Variants in LILRA1 observed in about 807,000 individuals in gnomAD.
LILRA1 encodes the protein leukocyte immunoglobulin-like receptor subfamily A member 1.
LILRA1 carries 51 observed loss-of-function variants against 51.6 expected under a neutral mutation model. The observed-to-expected ratio is 0.99, with a 90% confidence interval of 0.79 to 1.25. The LOEUF (loss-of-function observed/expected upper bound fraction) is 1.25, where lower values mean the gene tolerates loss of function less well. LILRA1 is among the 50% of genes most tolerant of loss of function. The pLI is 0.00. For missense variants in LILRA1, 660 were observed against 611.7 expected (o/e 1.08, Z -0.83); for synonymous variants, 305 against 248.4 (o/e 1.23, Z -2.14).
intron 2 of LILRA1, 22 bp from the exon 3 acceptor site, chr19:54,594,419 C>A: frequency 1.9e-6 from 3 of 1,614,232 alleles, no homozygotes; most frequent in Non-Finnish European, 1.7e-6. Flanking sequence ...GGGCAAATTC[C>A]TCACAGGGAA....
rs1271042427 is a variant in LILRA1, at chr19:54,595,266, T to C, written c.525T>C (p.His175=). 1 of 1,613,700 alleles carries C rather than the reference T, an allele frequency of 6.2e-7. No homozygotes were observed. Among genetic ancestry groups the C allele is most frequent in the East Asian group, 2.2e-5 (1 of 44,852 alleles). The change falls in exon 5 of 10, where the codon CAT becomes CAC. Residue 175 remains histidine (H), a synonymous_variant. Coordinates refer to ENST00000251372, the MANE Select transcript of LILRA1 (RefSeq NM_006863.4). ...GCCTGAACTCACAGCCCCGTACCCATGGGTGGTCCCGGGCCATCTTCTCTG... is the reference window on the plus strand; with the variant it reads ...GCCTGAACTCACAGCCCCGTACCCACGGGTGGTCCCGGGCCATCTTCTCTG... ...PQCLNSQPRT[H]GWSRAIFSVG...
At chr19:54,598,198 CT>C in intron 7 of LILRA1, among the ~76,000 whole-genome samples, 1 of 152,008 alleles carries the variant, frequency 6.6e-6, no homozygotes. Context: ...TTTACTAAAA[CT>C]TTTAAAGCAA....
chr19:54,596,560 C>T (rs2146074108), intron 7 of LILRA1, 69 bp downstream of exon 7: 3 of 1,589,862 alleles, frequency 1.9e-6, no homozygotes, highest in Non-Finnish European at 2.6e-6. Context: ...CAGGAGAGCT[C>T]TGGACACTAA....
chr19:54,597,737 C>A (rs1253433016), intron 7 of LILRA1, among the ~76,000 whole-genome samples: 1 of 151,940 alleles, frequency 6.6e-6, no homozygotes, highest in African/African-American at 2.4e-5. Context: ...CTCACCCACA[C>A]CTGTAGGGTC....
rs1451896892 is a variant in LILRA1 at position 54,595,724 on chromosome 19, T to C, written c.747T>C (p.Asp249=). Residue 249 remains aspartate (D), a synonymous_variant, in exon 6 of 10, where the codon GAT becomes GAC. Coordinates refer to ENST00000251372, the MANE Select transcript of LILRA1 (RefSeq NM_006863.4). ...GCCTGACCCTCCAGTGTGTTTCTGA[T>C]GTCAGCTACGACAGATTTGTTCTGT... ...GESLTLQCVS[D]VSYDRFVLYK... is the part of the protein sequence containing the mutation. 1.6e-5 allele frequency: 26 copies of C among 1,613,952 alleles called. No homozygotes were observed. The highest frequency in any genetic ancestry group is 2.2e-5 in the Non-Finnish European group (26 of 1,179,968).
At chr19:54,597,281 A>C (rs962550686) in intron 7 of LILRA1, among the ~76,000 whole-genome samples, 1 of 126,950 alleles carries the variant, frequency 7.9e-6, no homozygotes, top group African/African-American at 3.0e-5. Context: ...TGTGGTCTGC[A>C]TGGCTTCCTG....
chr19:54,595,087 C>T lies in LILRA1; in HGVS notation c.359-13C>T. ...GTGAGCCCCATTTAACATGGTGCCT[C>T]CTTCTCTCCTAGGAGCCTACATCAA... On this transcript the variant is annotated splice_polypyrimidine_tract_variant and intron_variant, in intron 4 of 9. Coordinates refer to ENST00000251372, the MANE Select transcript of LILRA1 (RefSeq NM_006863.4). The T allele has an allele frequency of 6.2e-7, 1 of 1,609,498 alleles. No individual in the cohort carries two copies. The highest frequency in any genetic ancestry group is 8.5e-7 in the Non-Finnish European group (1 of 1,177,082).
At position 54,595,365 on chromosome 19, in the gene LILRA1, G is replaced by A. The variant is rs994267605; in HGVS notation, c.624G>A (p.Trp208Ter). Residue 208 changes from tryptophan to a stop codon, truncating the protein, a stop_gained, in exon 5 of 10, where the codon TGG (tryptophan) becomes TGA (stop). Coordinates refer to ENST00000251372, the MANE Select transcript of LILRA1 (RefSeq NM_006863.4). LOFTEE classifies it high-confidence loss of function. ...YAYDSNSPHVWSLPSDLLELL... is the reference protein window; with the variant it reads ...YAYDSNSPHV ...ATGACTCGAACTCTCCCCATGTGTG[G>A]TCTCTACCCAGTGATCTCCTGGAGC... 7.4e-6 allele frequency: 12 copies of A among 1,613,646 alleles called. No individual in the cohort carries two copies. Among genetic ancestry groups the A allele is most frequent in the Admixed American group, 3.3e-5 (2 of 59,956 alleles).
intron 2 of LILRA1, 36 bp downstream of exon 2, chr19:54,594,314 G>A: frequency 6.2e-7 from 1 of 1,613,306 alleles, no homozygotes; most frequent in Non-Finnish European, 8.5e-7. Flanking sequence ...TTCTAACCTA[G>A]GAGGGACCTC....
In LILRA1 at chr19:54,601,379, G is replaced by C. The variant is rs1237833108; in HGVS notation, c.*562G>C. ...CTTCCCTCCTTCTCACATGCTACCTGTGCAGCTTCTCCTTAGATCATTGTG... is the reference window on the plus strand; with the variant it reads ...CTTCCCTCCTTCTCACATGCTACCTCTGCAGCTTCTCCTTAGATCATTGTG... On this transcript the variant is annotated 3_prime_UTR_variant, in exon 10 of 10. Coordinates refer to ENST00000251372, the MANE Select transcript of LILRA1 (RefSeq NM_006863.4). 5.9e-6 allele frequency: 1 copy of C among 169,284 alleles called. No individual in the cohort carries two copies. The highest frequency in any genetic ancestry group is 2.4e-5 in the African/African-American group (1 of 41,594). 10.5% of individuals were successfully genotyped at this position (169,284 alleles called of 1,614,324 possible). A position where few individuals can be genotyped will look rare whatever the true frequency, so the allele number is the denominator to read the frequency against.
At chr19:54,597,886 G>A (rs528809782) in intron 7 of LILRA1, among the ~76,000 whole-genome samples, 8 of 151,502 alleles carry the variant, frequency 5.3e-5, no homozygotes, top group East Asian at 4.0e-4. Flanking sequence ...GCAAGTGCAC[G>A]GCCCCTCCTT....
In LILRA1 at chr19:54,600,708, C is replaced by G. The variant is rs1389806696; in HGVS notation, c.1361C>G (p.Pro454Arg). The stretch of plus-strand genomic sequence containing the variant: ...TGCCCACCATCCCCAGCCTCACACC[C>G]CCAGGATTACACAGTGGAGAATCTC... ...SPSQNKTASHPQDYTVENLIR... is the reference protein window; with the variant it reads ...SPSQNKTASHRQDYTVENLIR... Residue 454 changes from proline to arginine, a missense_variant, in exon 10 of 10, where the codon CCC becomes CGC. Physicochemically the swap from Pro to Arg is moderately radical, Grantham distance 103. Coordinates refer to ENST00000251372, the MANE Select transcript of LILRA1 (RefSeq NM_006863.4). 10 of 1,614,032 alleles carry G rather than the reference C, an allele frequency of 6.2e-6. No homozygotes were observed. Among genetic ancestry groups the G allele is most frequent in the Non-Finnish European group, 7.6e-6 (9 of 1,180,012 alleles).
intron 7 of LILRA1, among the ~76,000 whole-genome samples, chr19:54,598,855 G>C (rs897126419): frequency 2.6e-5 from 4 of 152,140 alleles, no homozygotes; most frequent in African/African-American, 9.7e-5. Flanking sequence ...GAGTGCAGTG[G>C]TGAAATCTTG....
At chr19:54,594,417 T>C (rs373120141) in intron 2 of LILRA1, 24 bp from the exon 3 acceptor site, 236 of 1,614,052 alleles carry the variant, frequency 1.5e-4, no homozygotes, top group African/African-American at 4.9e-4. Context: ...AGGGGCAAAT[T>C]CCTCACAGGG....
chr19:54,600,553 G>C lies in LILRA1; in HGVS notation c.1351+3G>C. 6.2e-7 allele frequency: 1 copy of C among 1,614,124 alleles called. No individual in the cohort carries two copies. The highest frequency in any genetic ancestry group is 8.5e-7 in the Non-Finnish European group (1 of 1,180,012). ...CAGCCCATCACAAAACAAGACTGGTGAGTGAGGAGATGCTCTCGTTTACGG... is the reference window on the plus strand; with the variant it reads ...CAGCCCATCACAAAACAAGACTGGTCAGTGAGGAGATGCTCTCGTTTACGG... On this transcript the variant is annotated splice_donor_region_variant and intron_variant, in intron 9 of 9. Transcript: ENST00000251372.
intron 8 of LILRA1, 151 bp downstream of exon 8, chr19:54,599,437 G>C (rs2063126937): frequency 1.5e-6 from 2 of 1,313,752 alleles, no homozygotes; most frequent in African/African-American, 1.5e-5. Context: ...TATAAGTGAA[G>C]TATTTCATTC....
intron 6 of LILRA1, 88 bp downstream of exon 6, chr19:54,596,023 G>A (rs537981246): frequency 2.4e-5 from 37 of 1,561,368 alleles, no homozygotes; most frequent in East Asian, 2.0e-4. Flanking sequence ...GGAATGAGGG[G>A]TGGGGGTCCC....
rs941628951 is a variant in LILRA1 at position 54,595,535 on chromosome 19, C to T, written c.662-104C>T. The T allele has an allele frequency of 4.2e-5, 64 of 1,541,220 alleles. No individual in the cohort carries two copies. The African/African-American group carries it at 5.0e-4, about 12-fold the overall frequency. On this transcript the variant is annotated intron_variant, in intron 5 of 9. Coordinates refer to ENST00000251372, the MANE Select transcript of LILRA1 (RefSeq NM_006863.4). ...CGAGAGGGCTCAGGGCTCCTGGGGC[C>T]GGAGACACAGGAAGATCAGCAGTGG... is the stretch of plus-strand genomic sequence containing the variant.
At position 54,600,559 on chromosome 19, in the gene LILRA1, G is replaced by A. The variant is rs774331552; in HGVS notation, c.1351+9G>A. ...ATCACAAAACAAGACTGGTGAGTGAGGAGATGCTCTCGTTTACGGTGCTGG... is the reference window on the plus strand; with the variant it reads ...ATCACAAAACAAGACTGGTGAGTGAAGAGATGCTCTCGTTTACGGTGCTGG... On this transcript the variant is annotated intron_variant, in intron 9 of 9. Coordinates refer to ENST00000251372, the MANE Select transcript of LILRA1 (RefSeq NM_006863.4). The A allele has an allele frequency of 5.0e-6, 8 of 1,614,074 alleles. No homozygotes were observed. In the East Asian group the frequency reaches 1.1e-4, roughly 22 times the overall value.
Sources: allele counts gnomAD v4.1 joint callset (sites outside exome capture counted in the v4.1 genomes callset), GRCh38; gene constraint gnomAD v4.1.1; transcripts MANE v1.5; gene names NCBI Gene and HGNC (gene_info 2026-07-23, HGNC 2026-07-21).